Variants in GPBP1L1 observed in about 807,000 individuals in gnomAD.
GPBP1L1 encodes the protein GC-rich promoter binding protein 1 like 1, also known as vasculin-like protein 1.
In GPBP1L1, 23 loss-of-function variants were observed where a neutral mutation model predicts 52.5. That is an observed-to-expected ratio of 0.44 (90% CI 0.32 to 0.62). The LOEUF (loss-of-function observed/expected upper bound fraction) is 0.62, where lower values mean the gene tolerates loss of function less well. GPBP1L1 is among the 20% of genes least tolerant of loss of function. GPBP1L1 has a pLI of 0.06. For synonymous variants in GPBP1L1, 243 were observed against 203.1 expected (o/e 1.20, Z -1.67); for missense variants, 596 against 579.3 (o/e 1.03, Z -0.30).
At chr1:45,638,792 T>C (rs12041197) in intron 8 of GPBP1L1, among the ~76,000 whole-genome samples, 43,101 of 151,942 alleles carry the variant, frequency 0.28, 6,237 homozygotes, top group South Asian at 0.36. Flanking sequence ...AATAAATAGA[T>C]GAAAGAAAAG....
At chr1:45,670,092 G>T (rs530027918) in intron 2 of GPBP1L1, among the ~76,000 whole-genome samples, 1 of 152,174 alleles carries the variant, frequency 6.6e-6, no homozygotes, top group Non-Finnish European at 1.5e-5. Flanking sequence ...TCTGAACAAC[G>T]TGTAACCAGT....
At position 45,628,113 on chromosome 1, in the gene GPBP1L1, T is replaced by A; in HGVS notation, c.*143A>T. The A allele has an allele frequency of 4.9e-6, 4 of 824,408 alleles. No individual in the cohort carries two copies. Among genetic ancestry groups the A allele is most frequent in the Non-Finnish European group, 5.8e-6 (3 of 520,446 alleles). The allele number at this position is 824,408 out of a possible 1,614,324, so 51.1% of individuals were successfully genotyped here. A position where few individuals can be genotyped will look rare whatever the true frequency, so the allele number is the denominator to read the frequency against. On this transcript the variant is annotated 3_prime_UTR_variant, in exon 13 of 13. Transcript: ENST00000355105. ...CAATAACAAAAGCAAAACAAGCCAA[T>A]TGCTCTCTCTTTGGGATATGATTAT... is the stretch of plus-strand genomic sequence containing the variant.
chr1:45,630,388 A>G (rs1490278823), intron 11 of GPBP1L1, 94 bp downstream of exon 11: 1 of 1,428,048 alleles, frequency 7.0e-7, no homozygotes, highest in African/African-American at 1.4e-5. Context: ...TTCTCTCTGC[A>G]TGTGGGACCT....
intron 6 of GPBP1L1, 84 bp from the exon 7 acceptor site, chr1:45,642,583 TATC>T (rs1204270309): frequency 8.8e-6 from 8 of 912,452 alleles, no homozygotes; most frequent in Non-Finnish European, 1.4e-5. Context: ...CCATGGAACC[TATC>T]AAATAATTAC....
intron 11 of GPBP1L1, 82 bp downstream of exon 11, chr1:45,630,396 CCTAT>C (rs1462720952): frequency 3.4e-6 from 5 of 1,472,100 alleles, no homozygotes; most frequent in Admixed American, 3.8e-5. Context: ...GCATGTGGGA[CCTAT>C]CTATCTGAGA....
chr1:45,684,675 G>A (rs1645257285), intron 2 of GPBP1L1, among the ~76,000 whole-genome samples: 1 of 151,836 alleles, frequency 6.6e-6, no homozygotes, highest in South Asian at 2.1e-4. Context: ...AAACCACTGA[G>A]TACCCCCCCA....
chr1:45,664,433 G>C (rs965369733), intron 2 of GPBP1L1, among the ~76,000 whole-genome samples: 1 of 152,022 alleles, frequency 6.6e-6, no homozygotes, highest in African/African-American at 2.4e-5. Flanking sequence ...GGGCGTGGTG[G>C]TGGGCGCATG....
chr1:45,642,107 C>A (rs1433405434), intron 7 of GPBP1L1, among the ~76,000 whole-genome samples: 1 of 152,146 alleles, frequency 6.6e-6, no homozygotes, highest in Non-Finnish European at 1.5e-5. Flanking sequence ...CACTGCACTA[C>A]AGCCTGGGCA....
At position 45,634,197 on chromosome 1, in the gene GPBP1L1, C is replaced by T. The variant is rs1297998521; in HGVS notation, c.784G>A (p.Gly262Arg). The change falls in exon 9 of 13, where the codon GGA becomes AGA. Residue 262 changes from glycine (G) to arginine (R), a missense_variant. Transcript: ENST00000355105. ...GACTCCCGGCTAGAGGAAAGGGATC[C>T]TGACTTGTGCTCCATCCTGTTAGCT... ...WKANRMEHKS[G>R]SLSSSRESAF... The T allele has an allele frequency of 1.9e-6, 3 of 1,613,692 alleles. No homozygotes were observed. Among genetic ancestry groups the T allele is most frequent in the African/African-American group, 1.3e-5 (1 of 74,920 alleles).
In GPBP1L1 at chr1:45,663,596, A is replaced by G. The variant is rs556304149; in HGVS notation, c.-1097-2371T>C. Among the ~76,000 whole-genome samples the G allele has an allele frequency of 5.3e-5, 8 of 152,336 alleles. No individual in the cohort carries two copies. In the South Asian group the frequency reaches 1.7e-3, roughly 32 times the overall value. On this transcript the variant is annotated intron_variant, in intron 2 of 12. Coordinates refer to ENST00000355105, the MANE Select transcript of GPBP1L1 (RefSeq NM_021639.5). ...TGACCTACACATGCATGTGCAGAGT[A>G]TGTGGTTGAGAGGAGATGCGCCATA...
chr1:45,674,668 T>C (rs1005465237), intron 2 of GPBP1L1, among the ~76,000 whole-genome samples: 1 of 152,224 alleles, frequency 6.6e-6, no homozygotes. Flanking sequence ...CAGCAAGCCA[T>C]AGCTCCCAGT....
chr1:45,647,393 G>A (rs905824754), intron 6 of GPBP1L1, among the ~76,000 whole-genome samples: 4 of 152,160 alleles, frequency 2.6e-5, no homozygotes, highest in Non-Finnish European at 5.9e-5. Flanking sequence ...TGTCCTCAGT[G>A]ACGGGCTTTG....
At chr1:45,677,623 AC>A (rs1645163325) in intron 2 of GPBP1L1, among the ~76,000 whole-genome samples, 2 of 152,182 alleles carry the variant, frequency 1.3e-5, no homozygotes, top group Admixed American at 1.3e-4. Flanking sequence ...AAAAATATAA[AC>A]AAACAAAAAT....
chr1:45,673,950 G>T (rs1194797571), intron 2 of GPBP1L1, among the ~76,000 whole-genome samples: 2 of 152,168 alleles, frequency 1.3e-5, no homozygotes, highest in African/African-American at 4.8e-5. Context: ...CGGTGGCCCA[G>T]GCTTGTAATT....
chr1:45,652,352 G>C (rs1644828812), intron 6 of GPBP1L1, among the ~76,000 whole-genome samples: 1 of 152,160 alleles, frequency 6.6e-6, no homozygotes, highest in African/African-American at 2.4e-5. Flanking sequence ...TGATAAAATA[G>C]AATGTTTGTA....
intron 6 of GPBP1L1, among the ~76,000 whole-genome samples, chr1:45,647,233 C>T (rs1050293874): frequency 6.2e-5 from 9 of 145,176 alleles, no homozygotes; most frequent in Non-Finnish European, 1.0e-4. Flanking sequence ...TGCAATGGTG[C>T]GATCTTGGCT....
intron 2 of GPBP1L1, among the ~76,000 whole-genome samples, chr1:45,673,053 T>C (rs1298627988): frequency 6.6e-6 from 1 of 152,188 alleles, no homozygotes; most frequent in Non-Finnish European, 1.5e-5. Context: ...ACTGCACTGA[T>C]AGGAATAACC....
At chr1:45,675,881 T>A (rs754172624) in intron 2 of GPBP1L1, among the ~76,000 whole-genome samples, 1 of 152,176 alleles carries the variant, frequency 6.6e-6, no homozygotes, top group East Asian at 1.9e-4. Flanking sequence ...CATTCCTTAT[T>A]CCTTAAACTG....
chr1:45,652,604 CTA>C (rs1187726496), intron 6 of GPBP1L1, among the ~76,000 whole-genome samples: 2 of 152,116 alleles, frequency 1.3e-5, no homozygotes, highest in African/African-American at 2.4e-5. Context: ...TAGATATACT[CTA>C]AATATTTCAT....
Sources: allele counts gnomAD v4.1 joint callset (sites outside exome capture counted in the v4.1 genomes callset), GRCh38; gene constraint gnomAD v4.1.1; transcripts MANE v1.5; gene names NCBI Gene and HGNC (gene_info 2026-07-23, HGNC 2026-07-21).